COL21A1: variants seen among roughly 807,000 people sequenced by gnomAD.
COL21A1 encodes the protein collagen type XXI alpha 1 chain, also known as collagen alpha-1(XXI) chain.
COL21A1 carries 149 observed loss-of-function variants against 137.9 expected under a neutral mutation model. That is an observed-to-expected ratio of 1.08 (90% CI 0.95 to 1.24). The LOEUF (loss-of-function observed/expected upper bound fraction) is 1.24, where lower values mean the gene tolerates loss of function less well. Ranked by LOEUF, COL21A1 falls within the 50% of genes most tolerant of loss-of-function variation. The probability of loss-of-function intolerance (pLI) is 0.00; values close to 1 mark genes in which losing one functional copy is unlikely to be tolerated. For missense variants in COL21A1, 1,167 were observed against 1,158.4 expected, an observed-to-expected ratio of 1.01 and a Z score of -0.11; for synonymous variants, 456 against 391.5, an observed-to-expected ratio of 1.16 and a Z score of -1.95.
chr6:56,135,532 A>T (rs1773930023), intron 12 of COL21A1, among the ~76,000 whole-genome samples: 1 of 152,290 alleles, frequency 6.6e-6, no homozygotes, highest in South Asian at 2.1e-4. Flanking sequence ...GGAACTCAAT[A>T]AGCAATTTAA....
chr6:56,393,168 A>T (rs2094033241), intron 1 of COL21A1, among the ~76,000 whole-genome samples: 1 of 152,218 alleles, frequency 6.6e-6, no homozygotes, highest in Non-Finnish European at 1.5e-5. Flanking sequence ...CCAATGGAAC[A>T]GAAGAGAGAA....
intron 1 of COL21A1, among the ~76,000 whole-genome samples, chr6:56,265,804 A>G (rs1763377722): frequency 6.6e-6 from 1 of 152,254 alleles, no homozygotes; most frequent in African/African-American, 2.4e-5. Context: ...AGGAAAAAAT[A>G]TCTTCCTAGA....
At chr6:56,126,220 C>A in intron 12 of COL21A1, 71 bp from the exon 13 acceptor site, 1 of 941,116 alleles carries the variant, frequency 1.1e-6, no homozygotes, top group South Asian at 1.5e-5. Flanking sequence ...ATCTATTCTT[C>A]AACCTCACCC....
At chr6:56,320,174 G>A (rs546695033) in intron 1 of COL21A1, among the ~76,000 whole-genome samples, 2 of 152,086 alleles carry the variant, frequency 1.3e-5, no homozygotes, top group South Asian at 2.1e-4. Flanking sequence ...TCCATCCTTC[G>A]AAGGTCCAAA....
intron 1 of COL21A1, among the ~76,000 whole-genome samples, chr6:56,323,040 G>A (rs917649401): frequency 7.9e-5 from 12 of 152,000 alleles, no homozygotes; most frequent in Middle Eastern, 3.4e-3. Flanking sequence ...AGGAGGTGGC[G>A]GTGAAGGATG....
At chr6:56,382,087 C>A (rs2094009602) in intron 1 of COL21A1, among the ~76,000 whole-genome samples, 1 of 152,144 alleles carries the variant, frequency 6.6e-6, no homozygotes, top group African/African-American at 2.4e-5. Context: ...ATTTTACCAC[C>A]ACTAGGGCAG....
At chr6:56,106,041 T>C (rs1005038199) in intron 16 of COL21A1, among the ~76,000 whole-genome samples, 2 of 152,196 alleles carry the variant, frequency 1.3e-5, no homozygotes, top group Admixed American at 6.5e-5. Context: ...AAAAATACTA[T>C]AATAATCATA....
rs934589333 is a variant in COL21A1, at chr6:56,321,723, G to A, written c.-39+72248C>T. On this transcript the variant is annotated intron_variant, in intron 1 of 28. Coordinates refer to the COL21A1 transcript ENST00000370819. ...CAAAGGAGAAGAGAGTTTTGAAGTT[G>A]AGGAGCGCAGTGGCCAGCCATCAGA... Among the ~76,000 whole-genome samples, 3 of 152,112 alleles carry A rather than the reference G, an allele frequency of 2.0e-5. No individual in the cohort carries two copies. In the East Asian group the frequency reaches 5.8e-4, roughly 29 times the overall value.
chr6:56,255,447 T>C (rs1302755591), intron 1 of COL21A1, among the ~76,000 whole-genome samples: 1 of 152,042 alleles, frequency 6.6e-6, no homozygotes, highest in African/African-American at 2.4e-5. Context: ...CTTAATGATA[T>C]GCATGCCTTT....
chr6:56,358,205 G>C (rs1195479523), intron 1 of COL21A1, among the ~76,000 whole-genome samples: 1 of 152,126 alleles, frequency 6.6e-6, no homozygotes, highest in East Asian at 1.9e-4. Flanking sequence ...AGAAGGCCAA[G>C]TGCAGTGGCT....
At chr6:56,060,505 C>G (rs1009103343) in intron 27 of COL21A1, 6 of 470,530 alleles carry the variant, frequency 1.3e-5, no homozygotes, top group Non-Finnish European at 2.2e-5. Flanking sequence ...AAAAAATATG[C>G]TACAAAAGAA....
In COL21A1 at chr6:56,166,874, C is replaced by T. The variant is rs757685543; in HGVS notation, c.1278+32G>A. The T allele has an allele frequency of 2.6e-6, 4 of 1,523,894 alleles. No homozygotes were observed. In the South Asian group the frequency reaches 3.5e-5, roughly 13 times the overall value. 94.4% of individuals were successfully genotyped at this position (1,523,894 alleles called of 1,614,324 possible). A position where few individuals can be genotyped will look rare whatever the true frequency, so the allele number is the denominator to read the frequency against. On this transcript the variant is annotated intron_variant, in intron 7 of 29. Transcript: ENST00000244728. ...TATTGCTTTGAAAGTACTAAAGCAACATCTGGGAAAAAAACAATCCCTCCT... is the reference window on the plus strand; with the variant it reads ...TATTGCTTTGAAAGTACTAAAGCAATATCTGGGAAAAAAACAATCCCTCCT...
chr6:56,088,388 A>G (rs1401699541), intron 17 of COL21A1, among the ~76,000 whole-genome samples: 1 of 152,180 alleles, frequency 6.6e-6, no homozygotes, highest in Admixed American at 6.5e-5. Context: ...TTGCTCTTTA[A>G]AAATCATATT....
chr6:56,385,528 T>C (rs1477286533), intron 1 of COL21A1, among the ~76,000 whole-genome samples: 5 of 152,164 alleles, frequency 3.3e-5, no homozygotes, highest in African/African-American at 1.2e-4. Flanking sequence ...TTTTTAGTCT[T>C]CCTCCTCCAC....
At chr6:56,072,619 A>C (rs1766856886) in intron 20 of COL21A1, among the ~76,000 whole-genome samples, 1 of 151,476 alleles carries the variant, frequency 6.6e-6, no homozygotes, top group Non-Finnish European at 1.5e-5. Flanking sequence ...AAGTTCTTAA[A>C]GTTTAACCAG....
chr6:56,230,470 A>AT (rs894988885), intron 1 of COL21A1, among the ~76,000 whole-genome samples: 17 of 151,900 alleles, frequency 1.1e-4, no homozygotes, highest in Middle Eastern at 3.4e-3. Context: ...GCCTCATTTT[A>AT]TTTTTTTAAG....
chr6:56,340,244 C>T (rs911870267), intron 1 of COL21A1, among the ~76,000 whole-genome samples: 2 of 152,192 alleles, frequency 1.3e-5, no homozygotes, highest in African/African-American at 4.8e-5. Context: ...TTCCTCCATT[C>T]CATTCTCAGC....
chr6:56,203,891 G>A (rs1779573563), intron 1 of COL21A1, among the ~76,000 whole-genome samples: 1 of 152,134 alleles, frequency 6.6e-6, no homozygotes, highest in African/African-American at 2.4e-5. Context: ...CCCCAGCCAA[G>A]GGAAGCCATG....
intron 1 of COL21A1, among the ~76,000 whole-genome samples, chr6:56,235,481 G>A (rs1007428836): frequency 2.6e-5 from 4 of 152,054 alleles, no homozygotes; most frequent in African/African-American, 9.6e-5. Flanking sequence ...TGAACACTCT[G>A]CAGTGCTTGC....
Sources: gnomAD v4.1 joint callset for allele counts (sites outside exome capture counted in the v4.1 genomes callset) on GRCh38, gnomAD v4.1.1 for gene constraint, MANE v1.5 for transcripts, NCBI Gene and HGNC (gene_info 2026-07-23, HGNC 2026-07-21) for gene names.